Variants in XRCC4 observed in about 807,000 individuals in gnomAD.
The protein encoded by XRCC4 is DNA repair protein XRCC4.
A neutral mutation model predicts 39.1 loss-of-function variants in XRCC4; 28 were observed. The observed-to-expected ratio is 0.72, with a 90% CI of 0.53 to 0.98. XRCC4 has a LOEUF of 0.98. Ranked by LOEUF, XRCC4 falls within the 50% of genes least tolerant of loss-of-function variation. The pLI is 0.00. For synonymous variants in XRCC4, 123 were observed against 126.4 expected, an observed-to-expected ratio of 0.97 and a Z score of 0.18; for missense variants, 350 against 376.4, an observed-to-expected ratio of 0.93 and a Z score of 0.58.
At chr5:83,338,984 A>G (rs775101185) in intron 7 of XRCC4, among the ~76,000 whole-genome samples, 10 of 152,188 alleles carry the variant, frequency 6.6e-5, no homozygotes, top group Non-Finnish European at 1.5e-4. Flanking sequence ...CCAGGGCAAA[A>G]AAATGGCTGG....
chr5:83,300,037 T>C (rs934487507), intron 7 of XRCC4, among the ~76,000 whole-genome samples: 3 of 152,218 alleles, frequency 2.0e-5, no homozygotes, highest in Admixed American at 6.5e-5. Flanking sequence ...ATATTTGTCT[T>C]TGCTACTGCT....
At chr5:83,098,499 A>T (rs959911310) in intron 1 of XRCC4, among the ~76,000 whole-genome samples, 1 of 152,088 alleles carries the variant, frequency 6.6e-6, no homozygotes, top group Admixed American at 6.6e-5. Flanking sequence ...TTCTCACATG[A>T]TTAGAAGGGT....
At chr5:83,205,398 G>C (rs867791319) in intron 6 of XRCC4, among the ~76,000 whole-genome samples, 8 of 152,180 alleles carry the variant, frequency 5.3e-5, no homozygotes, top group Middle Eastern at 6.8e-3. Context: ...TAGAGGAAAA[G>C]AGAAGGGGAA....
intron 3 of XRCC4, among the ~76,000 whole-genome samples, chr5:83,132,821 T>C (rs764641712): frequency 1.3e-5 from 2 of 152,162 alleles, no homozygotes; most frequent in Non-Finnish European, 2.9e-5. Flanking sequence ...TTTCAATGGA[T>C]TCAAACATCC....
Position 83,204,802 on chromosome 5 carries a change from T to A in XRCC4, c.639-13T>A. On this transcript the variant is annotated splice_polypyrimidine_tract_variant and intron_variant, in intron 5 of 7. Transcript: ENST00000396027. ...AGCCAGTTATTTATAATTCTACCTTTCTCTGTTTCTAGGGAAACTGCAATC... is the reference window on the plus strand; with the variant it reads ...AGCCAGTTATTTATAATTCTACCTTACTCTGTTTCTAGGGAAACTGCAATC... 1 of 1,599,648 alleles carries A rather than the reference T, an allele frequency of 6.3e-7. No homozygotes were observed. The highest frequency in any genetic ancestry group is 2.2e-5 in the East Asian group (1 of 44,682).
At chr5:83,128,386 G>C (rs950962691) in intron 3 of XRCC4, among the ~76,000 whole-genome samples, 2 of 152,090 alleles carry the variant, frequency 1.3e-5, no homozygotes, top group Non-Finnish European at 2.9e-5. Flanking sequence ...ATGGACATTT[G>C]GGTTGGTTCC....
At chr5:83,343,436 A>G (rs1335727460) in intron 7 of XRCC4, among the ~76,000 whole-genome samples, 1 of 152,124 alleles carries the variant, frequency 6.6e-6, no homozygotes, top group Non-Finnish European at 1.5e-5. Context: ...AATCATGAAC[A>G]TAGCAGTATT....
intron 1 of XRCC4, among the ~76,000 whole-genome samples, chr5:83,079,767 C>G (rs1744851275): frequency 6.6e-6 from 1 of 152,098 alleles, no homozygotes; most frequent in Non-Finnish European, 1.5e-5. Flanking sequence ...CTCCTGGGCT[C>G]AAGTGATCCT....
intron 3 of XRCC4, among the ~76,000 whole-genome samples, chr5:83,115,483 A>G (rs973298679): frequency 6.6e-6 from 1 of 152,202 alleles, no homozygotes; most frequent in South Asian, 2.1e-4. Context: ...GTGGGGACAC[A>G]GCCAAACCAT....
chr5:83,126,215 G>A (rs1301740024), intron 3 of XRCC4, among the ~76,000 whole-genome samples: 1 of 152,028 alleles, frequency 6.6e-6, no homozygotes, highest in East Asian at 1.9e-4. Context: ...TTAGCATACA[G>A]ATCCTATACA....
intron 3 of XRCC4, among the ~76,000 whole-genome samples, chr5:83,195,489 T>G (rs990747234): frequency 1.3e-5 from 2 of 152,056 alleles, no homozygotes; most frequent in Non-Finnish European, 2.9e-5. Flanking sequence ...GGTAGTAAGC[T>G]TATACAGTAT....
At chr5:83,312,532 A>T (rs1234838133) in intron 7 of XRCC4, among the ~76,000 whole-genome samples, 1 of 152,234 alleles carries the variant, frequency 6.6e-6, no homozygotes, top group Non-Finnish European at 1.5e-5. Flanking sequence ...TCTCTAAGAG[A>T]GTACCTTAAT....
intron 3 of XRCC4, among the ~76,000 whole-genome samples, chr5:83,121,018 C>T (rs1746984491): frequency 6.6e-6 from 1 of 152,198 alleles, no homozygotes; most frequent in Non-Finnish European, 1.5e-5. Context: ...TTTACATTAT[C>T]CATACATTTA....
intron 7 of XRCC4, among the ~76,000 whole-genome samples, chr5:83,278,425 A>T (rs574654602): frequency 2.0e-4 from 31 of 152,306 alleles, no homozygotes; most frequent in South Asian, 1.2e-3. Flanking sequence ...AGTCTGGGTC[A>T]TTTATAGATA....
intron 6 of XRCC4, among the ~76,000 whole-genome samples, chr5:83,256,025 A>G (rs149849592): frequency 3.6e-4 from 55 of 152,348 alleles, no homozygotes; most frequent in African/African-American, 1.3e-3. Flanking sequence ...GAAAACCCAT[A>G]TGTAATATTC....
chr5:83,113,019 C>T (rs1462421909), intron 3 of XRCC4, among the ~76,000 whole-genome samples: 2 of 152,140 alleles, frequency 1.3e-5, no homozygotes, highest in African/African-American at 4.8e-5. Flanking sequence ...TAACTCATTT[C>T]AGCATTAACT....
chr5:83,297,567 A>T (rs1486913028), intron 7 of XRCC4, among the ~76,000 whole-genome samples: 1 of 152,008 alleles, frequency 6.6e-6, no homozygotes, highest in Non-Finnish European at 1.5e-5. Flanking sequence ...AGAAATAACA[A>T]GTATTTTTGT....
intron 3 of XRCC4, among the ~76,000 whole-genome samples, chr5:83,163,528 A>G (rs2112592647): frequency 6.6e-6 from 1 of 152,370 alleles, no homozygotes; most frequent in Admixed American, 6.5e-5. Context: ...AAAATAAAGC[A>G]TTAAAATTTA....
intron 7 of XRCC4, among the ~76,000 whole-genome samples, chr5:83,327,057 G>C (rs552236086): frequency 2.6e-5 from 4 of 151,444 alleles, no homozygotes; most frequent in Admixed American, 1.3e-4. Context: ...AAACTTGTTT[G>C]TTTTGCTTAT....
Sources: gnomAD v4.1 joint callset for allele counts (sites outside exome capture counted in the v4.1 genomes callset) on GRCh38, gnomAD v4.1.1 for gene constraint, MANE v1.5 for transcripts, NCBI Gene and HGNC (gene_info 2026-07-23, HGNC 2026-07-21) for gene names.